The following ZNF90 variants were observed in gnomAD, a reference collection of about 807,000 sequenced individuals.
ZNF90 encodes the protein zinc finger protein 90.
In ZNF90, 11 loss-of-function variants were observed where a neutral mutation model predicts 12.0. The observed-to-expected ratio is 0.92, with a 90% CI of 0.58 to 1.52. The LOEUF (loss-of-function observed/expected upper bound fraction) is 1.52, where lower values mean the gene tolerates loss of function less well. ZNF90 is among the 40% of genes most tolerant of loss of function. The pLI, the probability that ZNF90 is intolerant of heterozygous loss-of-function variation, is 0.00. For missense variants in ZNF90, 765 were observed against 711.5 expected, an observed-to-expected ratio of 1.08 and a Z score of -0.86; for synonymous variants, 232 against 240.1, an observed-to-expected ratio of 0.97 and a Z score of 0.31.
At position 20,106,332 on chromosome 19, in the gene ZNF90, T is replaced by A. The variant is rs182176201; in HGVS notation, c.226+1016T>A. 3.3e-5 allele frequency among the ~76,000 whole-genome samples: 5 copies of A among 152,262 alleles called. No individual in the cohort carries two copies. The East Asian group carries it at 9.7e-4, about 29-fold the overall frequency. On this transcript the variant is annotated intron_variant, in intron 3 of 3. Transcript: ENST00000418063. ...CTTATTTTTCTTCAATTTCAATGGATTTTTTATTTATTTCACTAATTCTTC... is the reference window on the plus strand; with the variant it reads ...CTTATTTTTCTTCAATTTCAATGGAATTTTTATTTATTTCACTAATTCTTC...
rs373150871 is a variant in ZNF90, at chr19:20,107,206, G to A, written c.226+1890G>A. On this transcript the variant is annotated intron_variant, in intron 3 of 3. Transcript: ENST00000418063. ...AAGGCCAATGTCTTCATGCCTGCCT[G>A]TATAGCTATAATTGGGTGCCTTTCT... 6.2e-4 allele frequency: 209 copies of A among 337,984 alleles called. 2 individuals are homozygous for A. Among genetic ancestry groups the A allele is most frequent in the African/African-American group, 3.8e-3 (174 of 46,314 alleles). 20.9% of individuals were successfully genotyped at this position (337,984 alleles called of 1,614,324 possible).
At chr19:20,114,991 A>T (rs782731915) in intron 3 of ZNF90, among the ~76,000 whole-genome samples, 7 of 152,192 alleles carry the variant, frequency 4.6e-5, no homozygotes, top group Middle Eastern at 3.2e-3. Flanking sequence ...ACACATGGAT[A>T]AACAAATTTG....
intron 1 of ZNF90, among the ~76,000 whole-genome samples, chr19:20,094,235 TC>T (rs1444603517): frequency 2.4e-4 from 36 of 152,172 alleles, no homozygotes; most frequent in Non-Finnish European, 4.4e-5. Flanking sequence ...TCTGGCTGCT[TC>T]CTCCCTATTA....
chr19:20,104,213 T>C (rs782475895), intron 1 of ZNF90, 26 bp from the exon 2 acceptor site: 1 of 1,611,734 alleles, frequency 6.2e-7, no homozygotes, highest in Admixed American at 1.7e-5. Context: ...GGTAAAAATG[T>C]GTGTGTGTAT....
intron 1 of ZNF90, among the ~76,000 whole-genome samples, chr19:20,088,064 T>A (rs1349415861): frequency 1.3e-5 from 2 of 152,192 alleles, no homozygotes; most frequent in Non-Finnish European, 2.9e-5. Context: ...TTCAGTTACT[T>A]CAGACCATCT....
At chr19:20,078,561 A>AT (rs1437973299) in intron 1 of ZNF90, among the ~76,000 whole-genome samples, 1 of 152,088 alleles carries the variant, frequency 6.6e-6, no homozygotes, top group Non-Finnish European at 1.5e-5. Flanking sequence ...TAATCCCAGC[A>AT]TTTTGGGAGG....
chr19:20,080,698 C>T (rs755135263), intron 1 of ZNF90, among the ~76,000 whole-genome samples: 87 of 152,296 alleles, frequency 5.7e-4, no homozygotes, highest in Non-Finnish European at 1.1e-3. Context: ...TGGGTGTCCC[C>T]AATTTTCAAA....
rs1555706210 is a variant in ZNF90, at chr19:20,118,960, C to A, written c.1406C>A (p.Thr469Asn). 6.2e-7 allele frequency: 1 copy of A among 1,606,480 alleles called. No homozygotes were observed. The highest frequency in any genetic ancestry group is 8.5e-7 in the Non-Finnish European group (1 of 1,177,100). The change falls in exon 4 of 4, where the codon ACT (threonine) becomes AAT (asparagine). Residue 469 changes from threonine to asparagine, a missense_variant. Transcript: ENST00000418063. ...GKAFKRSSNL[T>N]THKISHTEEK... is the part of the protein sequence containing the mutation. Reference sequence around the variant, plus strand: ...GCCTTCAAGCGCTCCTCAAACCTTACTACACATAAGATAAGTCATACTGAA... The same window carrying A: ...GCCTTCAAGCGCTCCTCAAACCTTAATACACATAAGATAAGTCATACTGAA...
At position 20,115,110 on chromosome 19, in the gene ZNF90, G is replaced by A. The variant is rs531752138; in HGVS notation, c.227-2671G>A. On this transcript the variant is annotated intron_variant, in intron 3 of 3. Coordinates refer to ENST00000418063, the MANE Select transcript of ZNF90 (RefSeq NM_007138.2). ...CAGTTTTTGACTTAAGATGTAGCTT[G>A]TGTAATACTATTGTGACCTCTTCTG... is the stretch of plus-strand genomic sequence containing the variant. Among the ~76,000 whole-genome samples the A allele has an allele frequency of 2.8e-4, 43 of 152,090 alleles. 1 individual carries two copies. The highest frequency in any genetic ancestry group is 2.2e-4 in the Non-Finnish European group (15 of 67,982).
chr19:20,079,871 C>CTGCT (rs1268162197), intron 1 of ZNF90: 2 of 410,692 alleles, frequency 4.9e-6, no homozygotes, highest in Admixed American at 6.8e-5. Flanking sequence ...AGAAGCTGCC[C>CTGCT]TGCTGGAACT....
chr19:20,091,844 G>A (rs562442733), intron 1 of ZNF90, among the ~76,000 whole-genome samples: 48 of 152,226 alleles, frequency 3.2e-4, no homozygotes, highest in Non-Finnish European at 6.2e-4. Context: ...TTTTGCAAGA[G>A]TGAGGGCTTG....
chr19:20,107,056 C>T (rs531886627), intron 3 of ZNF90: 17 of 453,370 alleles, frequency 3.7e-5, no homozygotes, highest in South Asian at 2.3e-4. Context: ...GAGTATGGCT[C>T]TGACTGAGTA....
At chr19:20,085,268 C>CTTTTTTTTTTCTTTTTTCTT (rs56068843) in intron 1 of ZNF90, among the ~76,000 whole-genome samples, 2 of 135,572 alleles carry the variant, frequency 1.5e-5, no homozygotes, top group Non-Finnish European at 3.1e-5. Flanking sequence ...TTGCATTGGT[C>CTTTTTTTTTTCTTTTTTCTT]TTTTTTTTTT....
chr19:20,117,865 A>G lies in ZNF90; in HGVS notation c.311A>G (p.Glu104Gly). ...SFQKVIVTRY[E>G]KREYGNLELK... The stretch of plus-strand genomic sequence containing the variant: ...CAAAAAGTGATAGTGACAAGATATG[A>G]AAAACGTGAATATGGCAATTTAGAG... The change falls in exon 4 of 4, where the codon GAA becomes GGA. Residue 104 changes from glutamate (E) to glycine (G), a missense_variant. Coordinates refer to ENST00000418063, the MANE Select transcript of ZNF90 (RefSeq NM_007138.2). 6.2e-7 allele frequency: 1 copy of G among 1,609,632 alleles called. No homozygotes were observed.
At chr19:20,117,242 T>G (rs1412399524) in intron 3 of ZNF90, among the ~76,000 whole-genome samples, 1 of 151,964 alleles carries the variant, frequency 6.6e-6, no homozygotes, top group Non-Finnish European at 1.5e-5. Flanking sequence ...TGGGGTTTCA[T>G]GATGTTGGTC....
chr19:20,118,771 T>G lies in ZNF90; in HGVS notation c.1217T>G (p.Phe406Cys), dbSNP rs1174185256. The G allele has an allele frequency of 1.9e-6, 3 of 1,608,154 alleles. No individual in the cohort carries two copies. Among genetic ancestry groups the G allele is most frequent in the East Asian group, 4.5e-5 (2 of 44,532 alleles). The part of the protein sequence containing the change: ...PYKCEECGKA[F>C]KRSSTLTIHK... ...AAATGTGAAGAATGTGGCAAAGCCT[T>G]CAAGCGCTCCTCAACACTTACTATA... Residue 406 changes from phenylalanine to cysteine, a missense_variant, in exon 4 of 4, where the codon TTC (phenylalanine) becomes TGC (cysteine). Phe to Cys is a radical substitution (Grantham distance 205). Coordinates refer to ENST00000418063, the MANE Select transcript of ZNF90 (RefSeq NM_007138.2).
rs10414988 is a variant in ZNF90 at position 20,084,210 on chromosome 19, C to G, written c.3+6075C>G. ...CTGGGACTACAGGTGCTGGCCACCA[C>G]GCATGGCAAATTTTTTTTGTATTTT... On this transcript the variant is annotated intron_variant, in intron 1 of 3. Transcript: ENST00000418063. Among the ~76,000 whole-genome samples, 9 of 152,068 alleles carry G rather than the reference C, an allele frequency of 5.9e-5. No individual in the cohort carries two copies. In the East Asian group the frequency reaches 9.7e-4, roughly 16 times the overall value.
intron 1 of ZNF90, chr19:20,080,394 C>G: frequency 2.4e-6 from 1 of 411,432 alleles, no homozygotes; most frequent in Non-Finnish European, 4.8e-6. Flanking sequence ...CTTACCTCCC[C>G]ACAAACGGAC....
intron 3 of ZNF90, among the ~76,000 whole-genome samples, chr19:20,105,636 A>G (rs1308537689): frequency 1.3e-5 from 2 of 152,206 alleles, no homozygotes; most frequent in Admixed American, 1.3e-4. Context: ...ACACAGAAAT[A>G]TCTGCATGAC....
Sources: gnomAD v4.1 joint callset for allele counts (sites outside exome capture counted in the v4.1 genomes callset) on GRCh38, gnomAD v4.1.1 for gene constraint, MANE v1.5 for transcripts, NCBI Gene and HGNC (gene_info 2026-07-23, HGNC 2026-07-21) for gene names.